The following ZNG1A variants were observed in gnomAD, a reference collection of about 807,000 sequenced individuals.
The protein encoded by ZNG1A is zinc-regulated GTPase metalloprotein activator 1A.
the ZNG1A span, among the ~76,000 whole-genome samples, chr9:165,232 C>G: frequency 1.3e-5 from 2 of 151,788 alleles, no homozygotes; most frequent in African/African-American, 4.9e-5. Flanking sequence ...TATCACTACT[C>G]CAAACAATAA....
At chr9:139,804 T>C in the ZNG1A span, among the ~76,000 whole-genome samples, 6,838 of 151,430 alleles carry the variant, frequency 0.045, 174 homozygotes, top group African/African-American at 0.069. Context: ...AGTGGGTGCG[T>C]GCACCATCCG....
chr9:171,730 C>T, the ZNG1A span: 6 of 284,102 alleles, frequency 2.1e-5, no homozygotes, highest in South Asian at 1.6e-4. Flanking sequence ...TCAGAGATTC[C>T]GGAACTAATA....
chr9:137,573 G>C, the ZNG1A span, among the ~76,000 whole-genome samples: 1 of 151,982 alleles, frequency 6.6e-6, no homozygotes, highest in Non-Finnish European at 1.5e-5. Context: ...TGAAGAGCTG[G>C]AACCTTGAAG....
the ZNG1A span, chr9:178,692 C>T: frequency 9.7e-7 from 1 of 1,034,680 alleles, no homozygotes; most frequent in East Asian, 2.6e-5. Context: ...GACCCAGCCC[C>T]GACCTCGAAG....
chr9:145,139 C>T, the ZNG1A span, among the ~76,000 whole-genome samples: 71 of 149,446 alleles, frequency 4.8e-4, no homozygotes, highest in African/African-American at 1.5e-3. Flanking sequence ...GTCAGTGTGG[C>T]GATTCCTCAG....
At chr9:157,612 C>G in the ZNG1A span, among the ~76,000 whole-genome samples, 8 of 149,050 alleles carry the variant, frequency 5.4e-5, no homozygotes, top group Non-Finnish European at 1.0e-4. Flanking sequence ...ACACCCTCAT[C>G]ATCACAGGAT....
At chr9:171,542 CTGTCA>C in the ZNG1A span, 2 of 154,968 alleles carry the variant, frequency 1.3e-5, no homozygotes, top group African/African-American at 4.8e-5. Flanking sequence ...TCAGAGTTTC[CTGTCA>C]TGATTCCCTT....
the ZNG1A span, chr9:171,795 C>T: frequency 2.4e-6 from 1 of 417,240 alleles, no homozygotes; most frequent in Admixed American, 3.8e-5. Flanking sequence ...TCTGCTCTTC[C>T]TACATGTCCT....
At chr9:124,789 G>A in the ZNG1A span, among the ~76,000 whole-genome samples, 1 of 139,378 alleles carries the variant, frequency 7.2e-6, no homozygotes, top group African/African-American at 2.7e-5. Flanking sequence ...CCACTTATGA[G>A]TGAGAACATA....
the ZNG1A span, chr9:156,474 T>G: frequency 6.3e-7 from 1 of 1,591,388 alleles, no homozygotes; most frequent in Non-Finnish European, 8.5e-7. Context: ...ACTTTAAATA[T>G]GAATACCTAG....
chr9:162,518 AAT>A, the ZNG1A span: 1 of 1,574,798 alleles, frequency 6.4e-7, no homozygotes. Context: ...AATGTTTATT[AAT>A]ATTTGTACAA....
the ZNG1A span, among the ~76,000 whole-genome samples, chr9:138,729 T>G: frequency 1.5e-5 from 2 of 133,718 alleles, no homozygotes. Flanking sequence ...CAAGACACCA[T>G]GCTTACAGAA....
At chr9:172,747 C>G in the ZNG1A span, 1 of 153,634 alleles carries the variant, frequency 6.5e-6, no homozygotes, top group Non-Finnish European at 1.4e-5. Flanking sequence ...ATTTAATTCA[C>G]TAGAATACAC....
the ZNG1A span, among the ~76,000 whole-genome samples, chr9:171,147 T>C: frequency 1.3e-5 from 2 of 152,056 alleles, no homozygotes; most frequent in Non-Finnish European, 2.9e-5. Flanking sequence ...AATAGCCTAA[T>C]TCAATACTAC....
At chr9:169,839 A>G in the ZNG1A span, among the ~76,000 whole-genome samples, 2 of 142,772 alleles carry the variant, frequency 1.4e-5, no homozygotes. Flanking sequence ...AGACTACAGT[A>G]TAGTATAAAC....
At chr9:142,400 G>A in the ZNG1A span, among the ~76,000 whole-genome samples, 6 of 111,014 alleles carry the variant, frequency 5.4e-5, no homozygotes, top group Admixed American at 9.6e-5. Flanking sequence ...ACTCAAAACC[G>A]CTCAACTACA....
the ZNG1A span, chr9:154,832 A>T: frequency 7.1e-7 from 1 of 1,415,752 alleles, no homozygotes; most frequent in Non-Finnish European, 9.7e-7. Flanking sequence ...AGAAACTTTA[A>T]ATAATATACA....
chr9:149,934 G>A, the ZNG1A span, among the ~76,000 whole-genome samples: 1 of 147,010 alleles, frequency 6.8e-6, no homozygotes, highest in African/African-American at 2.5e-5. Flanking sequence ...CCACTAAGAC[G>A]ATGCTACACA....
At chr9:167,587 ATGGAGAAGCAACAGTAC>A in the ZNG1A span, 14 of 149,984 alleles carry the variant, frequency 9.3e-5, 1 homozygote, top group African/African-American at 3.5e-4. Context: ...TAACTCGGGA[ATGGAGAAGCAACAGTAC>A]TGGTAATAAG....
Sources: gnomAD v4.1 joint callset for allele counts (sites outside exome capture counted in the v4.1 genomes callset) on GRCh38, gnomAD v4.1.1 for gene constraint, MANE v1.5 for transcripts, NCBI Gene and HGNC (gene_info 2026-07-23, HGNC 2026-07-21) for gene names.